PARVA: variants seen among roughly 807,000 people sequenced by gnomAD.
PARVA encodes the protein alpha-parvin.
Under a neutral mutation model 52.6 loss-of-function variants are expected in PARVA, and 25 were observed. The observed-to-expected ratio is 0.48, with a 90% confidence interval of 0.35 to 0.66. The LOEUF (loss-of-function observed/expected upper bound fraction) is 0.66, where lower values mean the gene tolerates loss of function less well. Ranked by LOEUF, PARVA falls within the 30% of genes least tolerant of loss-of-function variation. The pLI is 0.01. For synonymous variants in PARVA, 185 were observed against 179.1 expected (o/e 1.03, Z -0.26); for missense variants, 373 against 450.9 (o/e 0.83, Z 1.56).
At chr11:12,440,239 AG>A (rs1172711464) in intron 1 of PARVA, among the ~76,000 whole-genome samples, 2 of 152,196 alleles carry the variant, frequency 1.3e-5, no homozygotes, top group African/African-American at 4.8e-5. Context: ...TTTTTTGGTC[AG>A]TGATTGGTGC....
intron 4 of PARVA, among the ~76,000 whole-genome samples, chr11:12,487,785 A>C (rs1403565302): frequency 6.6e-6 from 1 of 152,230 alleles, no homozygotes; most frequent in African/African-American, 2.4e-5. Flanking sequence ...TACTACATAG[A>C]AAAAGGCATG....
intron 1 of PARVA, among the ~76,000 whole-genome samples, chr11:12,460,310 T>A (rs1940760001): frequency 6.6e-6 from 1 of 152,196 alleles, no homozygotes. Context: ...ACTTTCTAGC[T>A]GTGTGGCCTT....
intron 4 of PARVA, among the ~76,000 whole-genome samples, chr11:12,493,108 C>A (rs754894973): frequency 6.6e-6 from 1 of 152,066 alleles, no homozygotes; most frequent in African/African-American, 2.4e-5. Context: ...GTAATCCCAG[C>A]ACTTTAGGAG....
intron 10 of PARVA, among the ~76,000 whole-genome samples, chr11:12,514,429 A>G (rs972188362): frequency 6.6e-6 from 1 of 152,230 alleles, no homozygotes; most frequent in African/African-American, 2.4e-5. Context: ...AACATAATAC[A>G]TTAATCTGTT....
chr11:12,420,390 G>A (rs116974625), intron 1 of PARVA, among the ~76,000 whole-genome samples: 1,736 of 152,276 alleles, frequency 0.011, 11 homozygotes, highest in South Asian at 0.046. Flanking sequence ...GTGAGGAAAC[G>A]TAGGTTTAAA....
At chr11:12,463,691 TAA>T (rs779012103) in intron 1 of PARVA, among the ~76,000 whole-genome samples, 23 of 152,164 alleles carry the variant, frequency 1.5e-4, no homozygotes, top group Admixed American at 2.6e-4. Flanking sequence ...AGCCCACACA[TAA>T]AGAGTGGGGA....
chr11:12,391,355 G>A (rs747169165), intron 1 of PARVA, among the ~76,000 whole-genome samples: 7 of 152,154 alleles, frequency 4.6e-5, no homozygotes, highest in Non-Finnish European at 7.3e-5. Context: ...GGCAATTGTC[G>A]TTCAGTTTGT....
intron 1 of PARVA, among the ~76,000 whole-genome samples, chr11:12,436,199 C>T (rs66818812): frequency 0.12 from 18,504 of 152,152 alleles, 2,080 homozygotes; most frequent in African/African-American, 0.3. Flanking sequence ...TAGGAACATA[C>T]TATTTGCTAG....
At chr11:12,527,714 G>T in intron 12 of PARVA, 135 bp from the exon 13 acceptor site, 1 of 727,338 alleles carries the variant, frequency 1.4e-6, no homozygotes. Flanking sequence ...AATTCTCGCT[G>T]CCCACTCTAC....
At chr11:12,394,607 T>G (rs1411840017) in intron 1 of PARVA, among the ~76,000 whole-genome samples, 1 of 152,178 alleles carries the variant, frequency 6.6e-6, no homozygotes, top group Non-Finnish European at 1.5e-5. Context: ...TTGTTCCTTG[T>G]TGTAGAATGG....
chr11:12,517,455 C>A (rs1297769115), intron 10 of PARVA, among the ~76,000 whole-genome samples, 155 bp from the exon 11 acceptor site: 1 of 152,144 alleles, frequency 6.6e-6, no homozygotes, highest in South Asian at 2.1e-4. Context: ...GCAGAGCAGA[C>A]CTCCTTGTCT....
chr11:12,526,307 T>C (rs11022385), intron 12 of PARVA, among the ~76,000 whole-genome samples: 34,858 of 152,170 alleles, frequency 0.23, 4,659 homozygotes, highest in Non-Finnish European at 0.31. Context: ...GAAGGATCCC[T>C]GTGGGTATTG....
intron 4 of PARVA, among the ~76,000 whole-genome samples, chr11:12,493,044 A>C (rs570882531): frequency 6.6e-6 from 1 of 152,234 alleles, no homozygotes; most frequent in South Asian, 2.1e-4. Flanking sequence ...TATATACTAT[A>C]ATCTCATTTT....
At chr11:12,406,959 C>T (rs1000007411) in intron 1 of PARVA, among the ~76,000 whole-genome samples, 15 of 152,030 alleles carry the variant, frequency 9.9e-5, no homozygotes, top group South Asian at 6.2e-4. Context: ...CGTGAGCCAC[C>T]GTGCCTGGCC....
intron 1 of PARVA, among the ~76,000 whole-genome samples, chr11:12,408,566 T>C (rs1419181062): frequency 6.6e-6 from 1 of 152,086 alleles, no homozygotes; most frequent in Non-Finnish European, 1.5e-5. Flanking sequence ...GGGTGTAGAG[T>C]ACATGCTTTG....
At chr11:12,526,180 A>G (rs1238659036) in intron 12 of PARVA, among the ~76,000 whole-genome samples, 6 of 152,168 alleles carry the variant, frequency 3.9e-5, no homozygotes, top group East Asian at 3.9e-4. Flanking sequence ...TAATTCATTC[A>G]TGTAACAGAA....
intron 1 of PARVA, among the ~76,000 whole-genome samples, chr11:12,430,324 A>T (rs1318774760): frequency 1.3e-5 from 2 of 152,206 alleles, no homozygotes; most frequent in Non-Finnish European, 2.9e-5. Context: ...TTTGTATTTT[A>T]AATTTTAATA....
At chr11:12,464,073 G>A (rs1415985483) in intron 1 of PARVA, among the ~76,000 whole-genome samples, 2 of 149,492 alleles carry the variant, frequency 1.3e-5, no homozygotes, top group East Asian at 4.0e-4. Flanking sequence ...ATTTTTCCAA[G>A]GAGCCCTGGT....
chr11:12,394,908 A>G (rs1179209053), intron 1 of PARVA, among the ~76,000 whole-genome samples: 1 of 152,008 alleles, frequency 6.6e-6, no homozygotes, highest in Non-Finnish European at 1.5e-5. Flanking sequence ...CCTGACCAAC[A>G]TGGTGAAACC....
Sources: gnomAD v4.1 joint callset for allele counts (sites outside exome capture counted in the v4.1 genomes callset) on GRCh38, gnomAD v4.1.1 for gene constraint, MANE v1.5 for transcripts, NCBI Gene and HGNC (gene_info 2026-07-23, HGNC 2026-07-21) for gene names.